The following DAAM1 variants were observed in gnomAD, a reference collection of about 807,000 sequenced individuals.
DAAM1 encodes disheveled-associated activator of morphogenesis 1.
DAAM1 carries 52 observed loss-of-function variants against 130.0 expected under a neutral mutation model. The ratio of observed to expected loss-of-function variants is 0.40; its 90% CI spans 0.32 to 0.50. The LOEUF (loss-of-function observed/expected upper bound fraction) is 0.50, where lower values mean the gene tolerates loss of function less well. Ranked by LOEUF, DAAM1 falls within the 20% of genes least tolerant of loss-of-function variation. The pLI is 0.61. For synonymous variants in DAAM1, 452 were observed against 444.5 expected (o/e 1.02, Z -0.21); for missense variants, 1,134 against 1,303.8 (o/e 0.87, Z 2.01).
intron 3 of DAAM1, 108 bp downstream of exon 3, chr14:59,291,414 A>T: frequency 1.1e-6 from 1 of 871,892 alleles, no homozygotes; most frequent in East Asian, 2.8e-5. Context: ...TGAAAACCAG[A>T]TTGAATGTGT....
At chr14:59,260,867 GA>G (rs1882128377) in intron 1 of DAAM1, among the ~76,000 whole-genome samples, 1 of 152,180 alleles carries the variant, frequency 6.6e-6, no homozygotes, top group Admixed American at 6.5e-5. Flanking sequence ...GCAAGAGCGA[GA>G]AGGAATGAGT....
intron 2 of DAAM1, 92 bp from the exon 3 acceptor site, chr14:59,291,125 T>C (rs1205091420): frequency 7.8e-6 from 8 of 1,021,996 alleles, no homozygotes; most frequent in Non-Finnish European, 1.1e-5. Flanking sequence ...TGTTTGTGTT[T>C]TTGTTTTTTT....
intron 3 of DAAM1, among the ~76,000 whole-genome samples, chr14:59,310,979 C>T (rs1323774528): frequency 6.9e-6 from 1 of 144,822 alleles, no homozygotes; most frequent in African/African-American, 2.5e-5. Flanking sequence ...ACAAAAAAAA[C>T]AAACAAAAAA....
rs954566124 is a variant in DAAM1 at position 59,353,817 on chromosome 14, T to C, written c.2268-59T>C. 5.9e-6 allele frequency: 9 copies of C among 1,536,612 alleles called. No homozygotes were observed. In the African/African-American group the frequency reaches 1.1e-4, roughly 19 times the overall value. On this transcript the variant is annotated intron_variant, in intron 18 of 24. Transcript: ENST00000360909. ...TAGGTACCTCCACCTCCATATCTGT[T>C]ATTAAGTGAACCTAGATATATTAAA...
Position 59,359,351 on chromosome 14 carries a change from T to A in DAAM1, c.2526-46T>A, listed in dbSNP as rs749565994. The A allele has an allele frequency of 2.9e-6, 4 of 1,380,152 alleles. No homozygotes were observed. In the Admixed American group the frequency reaches 7.2e-5, roughly 25 times the overall value. 85.5% of individuals were successfully genotyped at this position (1,380,152 alleles called of 1,614,324 possible). On this transcript the variant is annotated intron_variant, in intron 20 of 24. Transcript: ENST00000360909. ...TATTCATATATTTATGTAGTTTAAA[T>A]GAAAATAATTTGAATGTTTAATACT...
intron 1 of DAAM1, among the ~76,000 whole-genome samples, chr14:59,238,632 T>TC (rs1196187453): frequency 6.6e-6 from 1 of 152,206 alleles, no homozygotes; most frequent in African/African-American, 2.4e-5. Flanking sequence ...TATAGCTTAT[T>TC]CAATTTTGTA....
chr14:59,253,788 A>G (rs1478605646), intron 1 of DAAM1, among the ~76,000 whole-genome samples: 1 of 152,240 alleles, frequency 6.6e-6, no homozygotes, highest in Non-Finnish European at 1.5e-5. Context: ...GACCCTGTCT[A>G]GGCCTCACCA....
intron 10 of DAAM1, 36 bp from the exon 11 acceptor site, chr14:59,326,472 ACT>A: frequency 6.4e-7 from 1 of 1,556,612 alleles, no homozygotes; most frequent in Non-Finnish European, 8.7e-7. Flanking sequence ...CTTAGAAACA[ACT>A]TGAAGATTTT....
intron 2 of DAAM1, among the ~76,000 whole-genome samples, chr14:59,275,197 T>A (rs1229763234): frequency 6.6e-6 from 1 of 152,054 alleles, no homozygotes; most frequent in Non-Finnish European, 1.5e-5. Flanking sequence ...TGGTGCTGTA[T>A]CCCCGGAGAT....
intron 3 of DAAM1, among the ~76,000 whole-genome samples, chr14:59,305,484 T>G (rs1022268318): frequency 1.3e-5 from 2 of 152,186 alleles, no homozygotes; most frequent in Non-Finnish European, 2.9e-5. Context: ...AATGACTTGT[T>G]AAAATAAATA....
intron 1 of DAAM1, among the ~76,000 whole-genome samples, chr14:59,226,598 A>G (rs1888951036): frequency 6.6e-6 from 1 of 152,198 alleles, no homozygotes; most frequent in African/African-American, 2.4e-5. Context: ...CATTCCTTGT[A>G]AAGTCAATCT....
intron 2 of DAAM1, among the ~76,000 whole-genome samples, chr14:59,278,030 G>A (rs1003837285): frequency 5.3e-5 from 8 of 152,098 alleles, no homozygotes; most frequent in African/African-American, 1.9e-4. Flanking sequence ...ATTAGGCATA[G>A]TAAGGGATTC....
intron 3 of DAAM1, among the ~76,000 whole-genome samples, chr14:59,305,855 C>T (rs1205706131): frequency 6.6e-6 from 1 of 152,180 alleles, no homozygotes; most frequent in African/African-American, 2.4e-5. Flanking sequence ...TGTGCTATTT[C>T]ATTCAGGCCA....
At position 59,353,935 on chromosome 14, in the gene DAAM1, G is replaced by A. The variant is rs1161939396; in HGVS notation, c.2327G>A (p.Arg776His). 4.3e-6 allele frequency: 7 copies of A among 1,614,042 alleles called. No individual in the cohort carries two copies. Among genetic ancestry groups the A allele is most frequent in the Admixed American group, 1.7e-5 (1 of 60,026 alleles). The change falls in exon 19 of 25, where the codon CGT becomes CAT. Residue 776 changes from arginine (R) to histidine (H), a missense_variant. Arg to His is a conservative substitution (Grantham distance 29, BLOSUM62 0). Transcript: ENST00000360909. Reference sequence around the variant, plus strand: ...TACTTCAAAAAGAAGTTTGCAGAGCGTGTGGCAGAAGTGAAACCTAAAGTG... The same window carrying A: ...TACTTCAAAAAGAAGTTTGCAGAGCATGTGGCAGAAGTGAAACCTAAAGTG... ...SLYFKKKFAE[R>H]VAEVKPKVEA...
intron 3 of DAAM1, among the ~76,000 whole-genome samples, chr14:59,294,101 A>G (rs1033563766): frequency 6.6e-6 from 1 of 152,200 alleles, no homozygotes; most frequent in African/African-American, 2.4e-5. Flanking sequence ...TCTCACACAT[A>G]GTAAAGTCAT....
At chr14:59,269,455 T>C (rs1566676707) in intron 2 of DAAM1, among the ~76,000 whole-genome samples, 1 of 152,236 alleles carries the variant, frequency 6.6e-6, no homozygotes, top group Non-Finnish European at 1.5e-5. Context: ...GTTGTCCAGC[T>C]GCCCCTGTGG....
chr14:59,300,677 A>G (rs1344479628), intron 3 of DAAM1, among the ~76,000 whole-genome samples: 1 of 152,234 alleles, frequency 6.6e-6, no homozygotes, highest in African/African-American at 2.4e-5. Context: ...GAAATAAAAC[A>G]TAAATATAGT....
rs138129615 is a variant in DAAM1, at chr14:59,223,751, T to A, written c.-38+34983T>A. ...CACTAGTCATTGCACTTTTTGATGG[T>A]AGGAGGGGCCAAATATAACAACTTG... On this transcript the variant is annotated intron_variant, in intron 1 of 24. Coordinates refer to ENST00000360909, the MANE Select transcript of DAAM1 (RefSeq NM_001270520.2). Among the ~76,000 whole-genome samples, 810 of 152,266 alleles carry A rather than the reference T, an allele frequency of 5.3e-3. 10 individuals carry two copies. The highest frequency in any genetic ancestry group is 0.018 in the African/African-American group (759 of 41,562).
At chr14:59,299,091 GTCC>G (rs1884070656) in intron 3 of DAAM1, among the ~76,000 whole-genome samples, 1 of 152,186 alleles carries the variant, frequency 6.6e-6, no homozygotes, top group South Asian at 2.1e-4. Flanking sequence ...GTTCTGTAGA[GTCC>G]TCCTTAGGGA....
Sources: allele counts gnomAD v4.1 joint callset (sites outside exome capture counted in the v4.1 genomes callset), GRCh38; gene constraint gnomAD v4.1.1; transcripts MANE v1.5; gene names NCBI Gene and HGNC (gene_info 2026-07-23, HGNC 2026-07-21).